The following ATP9A variants were observed in gnomAD, a reference collection of about 807,000 sequenced individuals.
The protein encoded by ATP9A is probable phospholipid-transporting ATPase IIA.
ATP9A carries 52 observed loss-of-function variants against 144.1 expected under a neutral mutation model. That is an observed-to-expected ratio of 0.36 (90% CI 0.29 to 0.45). ATP9A has a LOEUF of 0.45. ATP9A is among the 20% of genes least tolerant of loss of function. The pLI is 1.00. For synonymous variants in ATP9A, 582 were observed against 557.4 expected (o/e 1.04, Z -0.62); for missense variants, 947 against 1,392.7 (o/e 0.68, Z 5.09).
rs772968591 is a variant in ATP9A, at chr20:51,618,733, C to T, written c.2279G>A (p.Cys760Tyr). 1 of 1,612,414 alleles carries T rather than the reference C, an allele frequency of 6.2e-7. No homozygotes were observed. Among genetic ancestry groups the T allele is most frequent in the South Asian group, 1.1e-5 (1 of 90,890 alleles). ...CQCPAVVCCR[C>Y]APTQKAQIVR... Reference sequence around the variant, plus strand: ...GATCTGGGCCTTCTGGGTGGGGGCACATCGGCAGCAGACTACGGCCGGGCA... The same window carrying T: ...GATCTGGGCCTTCTGGGTGGGGGCATATCGGCAGCAGACTACGGCCGGGCA... Residue 760 changes from cysteine to tyrosine, a missense_variant, in exon 21 of 28, where the codon TGT becomes TAT. By Grantham distance (194) the Cys-to-Tyr change is radical. Coordinates refer to ENST00000338821, the MANE Select transcript of ATP9A (RefSeq NM_006045.3).
intron 1 of ATP9A, among the ~76,000 whole-genome samples, chr20:51,767,336 A>G (rs1451977026): frequency 6.6e-6 from 1 of 152,042 alleles, no homozygotes; most frequent in African/African-American, 2.4e-5. Context: ...CGCCCCCCAG[A>G]ACTCTGATTG....
At chr20:51,616,887 C>A (rs1424124990) in intron 22 of ATP9A, among the ~76,000 whole-genome samples, 1 of 151,914 alleles carries the variant, frequency 6.6e-6, no homozygotes, top group African/African-American at 2.4e-5. Flanking sequence ...ACAACGCTGA[C>A]TGTCCCAGAG....
chr20:51,633,361 A>C (rs1456749234), intron 15 of ATP9A, among the ~76,000 whole-genome samples: 1 of 152,166 alleles, frequency 6.6e-6, no homozygotes, highest in Non-Finnish European at 1.5e-5. Context: ...TTTTACAAAA[A>C]TGTGTGTGGA....
At chr20:51,745,370 A>C (rs1253970783) in intron 1 of ATP9A, among the ~76,000 whole-genome samples, 1 of 150,906 alleles carries the variant, frequency 6.6e-6, no homozygotes, top group African/African-American at 2.4e-5. Flanking sequence ...AGGAGGAAGA[A>C]GTTATAGTGA....
chr20:51,732,108 ACCCT>A (rs1408606255), intron 1 of ATP9A, among the ~76,000 whole-genome samples: 2 of 151,894 alleles, frequency 1.3e-5, no homozygotes, highest in African/African-American at 4.8e-5. Context: ...CTCCCAGGTC[ACCCT>A]CCCACGAGGC....
At chr20:51,632,532 G>A (rs2077274060) in intron 15 of ATP9A, among the ~76,000 whole-genome samples, 1 of 152,104 alleles carries the variant, frequency 6.6e-6, no homozygotes, top group African/African-American at 2.4e-5. Flanking sequence ...ATGCTGAGCG[G>A]CATCCCTGCT....
At chr20:51,734,648 AAAAGAAAG>A (rs746290028) in intron 1 of ATP9A, 4 of 152,320 alleles carry the variant, frequency 2.6e-5, no homozygotes, top group East Asian at 1.9e-4. Flanking sequence ...AGAAATTTAA[AAAAGAAAG>A]AAAGAAAGAA....
intron 24 of ATP9A, among the ~76,000 whole-genome samples, chr20:51,609,612 G>A (rs555028192): frequency 6.6e-6 from 1 of 152,302 alleles, no homozygotes; most frequent in Non-Finnish European, 1.5e-5. Flanking sequence ...CACCATCTCT[G>A]TCACTGTGGC....
chr20:51,685,039 A>T (rs1432638342), intron 9 of ATP9A, among the ~76,000 whole-genome samples: 11 of 150,846 alleles, frequency 7.3e-5, no homozygotes, highest in Non-Finnish European at 1.3e-4. Context: ...AAAAAAAAAA[A>T]ATACAAATAA....
In ATP9A at chr20:51,690,145, GCT is replaced by G. The variant is rs1422321078; in HGVS notation, c.723+592_723+593del. Among the ~76,000 whole-genome samples the G allele has an allele frequency of 1.1e-4, 16 of 139,156 alleles. No homozygotes were observed. In the South Asian group the frequency reaches 1.4e-3, roughly 12 times the overall value. The allele number at this position is 139,156 out of a possible 152,430, so 91.3% of individuals were successfully genotyped here. A position where few individuals can be genotyped will look rare whatever the true frequency, so the allele number is the denominator to read the frequency against. ...AAAAAAAAAAAAAAAAAAAGGCCAGGCTCAGTGGCTCATGCCTGTAATCCCAG... is the reference window on the plus strand; with the variant it reads ...AAAAAAAAAAAAAAAAAAAGGCCAGGCAGTGGCTCATGCCTGTAATCCCAG... On this transcript the variant is annotated intron_variant, in intron 8 of 27. Transcript: ENST00000338821.
intron 13 of ATP9A, among the ~76,000 whole-genome samples, chr20:51,666,444 G>A (rs2077433176): frequency 6.6e-6 from 1 of 152,158 alleles, no homozygotes; most frequent in Non-Finnish European, 1.5e-5. Flanking sequence ...ACTTTGGGAA[G>A]CCAAGGCGGA....
intron 14 of ATP9A, among the ~76,000 whole-genome samples, chr20:51,653,694 T>C (rs1469486535): frequency 6.6e-6 from 1 of 151,416 alleles, no homozygotes; most frequent in Non-Finnish European, 1.5e-5. Flanking sequence ...AGCTGAGGCA[T>C]GAGAATCGCT....
chr20:51,638,819 A>C (rs139959781), intron 15 of ATP9A, among the ~76,000 whole-genome samples: 2 of 152,296 alleles, frequency 1.3e-5, no homozygotes, highest in African/African-American at 4.8e-5. Context: ...AAAATTAAAA[A>C]TTTTTAAAAG....
At chr20:51,762,838 T>C (rs779888546) in intron 1 of ATP9A, among the ~76,000 whole-genome samples, 13 of 149,906 alleles carry the variant, frequency 8.7e-5, no homozygotes, top group Non-Finnish European at 1.2e-4. Flanking sequence ...GCCTCCCAAG[T>C]AGCAAGGACC....
At chr20:51,758,868 T>C (rs1018571533) in intron 1 of ATP9A, among the ~76,000 whole-genome samples, 1 of 151,924 alleles carries the variant, frequency 6.6e-6, no homozygotes, top group East Asian at 1.9e-4. Context: ...GAGGTTCCAG[T>C]GAGCCGAGAT....
Position 51,687,838 on chromosome 20 carries a change from G to A in ATP9A, c.799+1226C>T, listed in dbSNP as rs116043417. Among the ~76,000 whole-genome samples, 1,471 of 152,226 alleles carry A rather than the reference G, an allele frequency of 9.7e-3. 22 individuals are homozygous for A. Among genetic ancestry groups the A allele is most frequent in the African/African-American group, 0.033 (1,378 of 41,524 alleles). On this transcript the variant is annotated intron_variant, in intron 9 of 27. Transcript: ENST00000338821. ...AGCAACCAGCAGAGTAAAACGGCTT[G>A]ATGGTGGGGAGTGGAGAATACTATG...
At chr20:51,760,060 T>A (rs752572144) in intron 1 of ATP9A, among the ~76,000 whole-genome samples, 1 of 152,130 alleles carries the variant, frequency 6.6e-6, no homozygotes, top group Non-Finnish European at 1.5e-5. Context: ...ACTGCCACGA[T>A]TTGTGCATTT....
At chr20:51,713,128 C>T (rs2077647278) in intron 3 of ATP9A, 54 bp from the exon 4 acceptor site, 1 of 1,494,734 alleles carries the variant, frequency 6.7e-7, no homozygotes, top group African/African-American at 1.4e-5. Context: ...CCTGCTGCAG[C>T]CAACCGTCCC....
Position 51,627,701 on chromosome 20 carries a change from G to A in ATP9A, c.1762-18C>T, listed in dbSNP as rs752959066. The A allele has an allele frequency of 9.4e-5, 151 of 1,611,238 alleles. No individual in the cohort carries two copies. Among genetic ancestry groups the A allele is most frequent in the Non-Finnish European group, 1.3e-4 (149 of 1,177,514 alleles). On this transcript the variant is annotated intron_variant, in intron 16 of 27. Transcript: ENST00000338821. ...TTGCCACACTGAAAAATAGACCACG[G>A]TCGAGTGGGAGCGGTGCTGAGAGCT...
Sources: gnomAD v4.1 joint callset for allele counts (sites outside exome capture counted in the v4.1 genomes callset) on GRCh38, gnomAD v4.1.1 for gene constraint, MANE v1.5 for transcripts, NCBI Gene and HGNC (gene_info 2026-07-23, HGNC 2026-07-21) for gene names.